The following DNAI7 variants were observed in gnomAD, a reference collection of about 807,000 sequenced individuals.
DNAI7 encodes the protein cancer susceptibility 1.
Under a neutral mutation model 86.6 loss-of-function variants are expected in DNAI7, and 78 were observed. The ratio of observed to expected loss-of-function variants is 0.90; its 90% CI spans 0.75 to 1.09. The LOEUF is 1.09. Among genes scored for constraint, DNAI7 ranks in the 50% least tolerant of loss-of-function variants. DNAI7 has a pLI of 0.00. For missense variants in DNAI7, 753 were observed against 810.2 expected (o/e 0.93, Z 0.86); for synonymous variants, 274 against 273.0 (o/e 1.00, Z -0.04).
At chr12:25,162,241 A>T (rs1396281710) in intron 2 of DNAI7, among the ~76,000 whole-genome samples, 3 of 152,230 alleles carry the variant, frequency 2.0e-5, no homozygotes, top group African/African-American at 7.2e-5. Flanking sequence ...CTTAGTAATG[A>T]TTAAAATTGG....
intron 2 of DNAI7, among the ~76,000 whole-genome samples, chr12:25,162,161 A>G (rs1778988545): frequency 6.6e-6 from 1 of 151,162 alleles, no homozygotes; most frequent in African/African-American, 2.4e-5. Flanking sequence ...TGGGCACTGG[A>G]TGGGCCAACA....
chr12:25,176,757 T>C (rs2141236181), intron 2 of DNAI7, among the ~76,000 whole-genome samples: 1 of 152,080 alleles, frequency 6.6e-6, no homozygotes, highest in East Asian at 1.9e-4. Context: ...TGTTTTTCTT[T>C]ATAGTTTTCT....
At chr12:25,194,972 G>C (rs368088388) in intron 1 of DNAI7, 104 bp downstream of exon 1, 17 of 1,614,100 alleles carry the variant, frequency 1.1e-5, no homozygotes, top group Non-Finnish European at 1.4e-5. Context: ...AAACCGACCC[G>C]CTTCGCTGTA....
At chr12:25,155,799 G>C (rs758943109) in intron 4 of DNAI7, among the ~76,000 whole-genome samples, 5 of 152,214 alleles carry the variant, frequency 3.3e-5, no homozygotes, top group Admixed American at 6.5e-5. Flanking sequence ...TGAAGGGAAG[G>C]AGCCAGCTTC....
chr12:25,186,425 C>A (rs1950041539), intron 2 of DNAI7, among the ~76,000 whole-genome samples: 1 of 152,266 alleles, frequency 6.6e-6, no homozygotes, highest in African/African-American at 2.4e-5. Context: ...AAAAAAATCT[C>A]TCACAATGTA....
intron 1 of DNAI7, among the ~76,000 whole-genome samples, chr12:25,191,508 T>A (rs1474242501): frequency 6.6e-6 from 1 of 151,822 alleles, no homozygotes; most frequent in African/African-American, 2.4e-5. Flanking sequence ...ATGGAGGCCA[T>A]CCTGGCTAAC....
At chr12:25,134,155 C>T (rs572685691) in intron 9 of DNAI7, among the ~76,000 whole-genome samples, 26 of 152,006 alleles carry the variant, frequency 1.7e-4, no homozygotes, top group Middle Eastern at 3.4e-3. Context: ...CCACCACATC[C>T]GGCTACTTTT....
intron 3 of DNAI7, 47 bp from the exon 4 acceptor site, chr12:25,158,610 T>A: frequency 6.4e-7 from 1 of 1,559,598 alleles, no homozygotes. Flanking sequence ...GATCACTGTA[T>A]TTTTAAGCCC....
intron 4 of DNAI7, among the ~76,000 whole-genome samples, chr12:25,156,388 G>A (rs1226907142): frequency 2.0e-5 from 3 of 152,150 alleles, no homozygotes; most frequent in Admixed American, 6.5e-5. Context: ...AATTCAAGCT[G>A]TCAGGCAAAA....
chr12:25,185,540 C>CA (rs1949950357), intron 2 of DNAI7, among the ~76,000 whole-genome samples: 4 of 152,352 alleles, frequency 2.6e-5, no homozygotes. Flanking sequence ...TACTTTCTAT[C>CA]AGACAGTCTG....
At chr12:25,182,495 C>T (rs1260938027) in intron 2 of DNAI7, among the ~76,000 whole-genome samples, 1 of 151,824 alleles carries the variant, frequency 6.6e-6, no homozygotes, top group Non-Finnish European at 1.5e-5. Flanking sequence ...ACCTATAGTC[C>T]CAGCTACTCA....
intron 3 of DNAI7, among the ~76,000 whole-genome samples, chr12:25,159,606 C>T (rs1360212888): frequency 6.6e-6 from 1 of 152,060 alleles, no homozygotes. Flanking sequence ...GGAAGTCAAG[C>T]CTTCAGAAGA....
intron 2 of DNAI7, among the ~76,000 whole-genome samples, chr12:25,172,224 T>G (rs2141159407): frequency 6.6e-6 from 1 of 151,816 alleles, no homozygotes; most frequent in East Asian, 1.9e-4. Flanking sequence ...CCTAGAAAGC[T>G]CCTAGAATTG....
At chr12:25,116,606 T>G (rs1231191234) in intron 12 of DNAI7, among the ~76,000 whole-genome samples, 1 of 152,160 alleles carries the variant, frequency 6.6e-6, no homozygotes, top group Non-Finnish European at 1.5e-5. Flanking sequence ...TTCAAGCAAT[T>G]TTCCTGCCTC....
intron 9 of DNAI7, 93 bp downstream of exon 9, chr12:25,144,272 A>G (rs1304214677): frequency 9.3e-7 from 1 of 1,074,622 alleles, no homozygotes; most frequent in Non-Finnish European, 1.4e-6. Flanking sequence ...GACAATTTCC[A>G]GTTGTTTAGG....
At chr12:25,171,290 A>C (rs1212453041) in intron 2 of DNAI7, among the ~76,000 whole-genome samples, 1 of 152,208 alleles carries the variant, frequency 6.6e-6, no homozygotes, top group Non-Finnish European at 1.5e-5. Context: ...GAAATGGGAG[A>C]TATTACAACT....
rs565402126 is a variant in DNAI7 at position 25,108,793 on chromosome 12, C to T, written c.1924G>A (p.Glu642Lys). The change falls in exon 16 of 16, where the codon GAG becomes AAG. Residue 642 changes from glutamate (E) to lysine (K), a missense_variant. Physicochemically the swap from Glu to Lys is moderately conservative, Grantham distance 56. Coordinates refer to ENST00000395987, the MANE Select transcript of DNAI7 (RefSeq NM_018272.5). Reference sequence around the variant, plus strand: ...ATTAAAAGGGCCCAATTAGGATTCTCAGTACATGCTTCAGTAAGGTGTTCC... The same window carrying T: ...ATTAAAAGGGCCCAATTAGGATTCTTAGTACATGCTTCAGTAAGGTGTTCC... ...VREHLTEACTENPNWALLMFS... is the reference protein window; with the variant it reads ...VREHLTEACTKNPNWALLMFS... 4.1e-6 allele frequency: 3 copies of T among 740,134 alleles called. No homozygotes were observed. The highest frequency in any genetic ancestry group is 6.4e-6 in the Non-Finnish European group (3 of 469,118). The allele number at this position is 740,134 out of a possible 1,614,324, so 45.8% of individuals were successfully genotyped here. A position where few individuals can be genotyped will look rare whatever the true frequency, so the allele number is the denominator to read the frequency against.
At chr12:25,184,911 C>T (rs1428430760) in intron 2 of DNAI7, among the ~76,000 whole-genome samples, 1 of 149,826 alleles carries the variant, frequency 6.7e-6, no homozygotes, top group Non-Finnish European at 1.5e-5. Flanking sequence ...AGCAGAATTG[C>T]TTGAGCCCAG....
chr12:25,158,793 C>T (rs1424678064), intron 3 of DNAI7: 2 of 755,218 alleles, frequency 2.6e-6, no homozygotes, highest in Admixed American at 6.8e-5. Flanking sequence ...TATGAACAGA[C>T]ACTTCTCAAA....
Sources: allele counts gnomAD v4.1 joint callset (sites outside exome capture counted in the v4.1 genomes callset), GRCh38; gene constraint gnomAD v4.1.1; transcripts MANE v1.5; gene names NCBI Gene and HGNC (gene_info 2026-07-23, HGNC 2026-07-21).